The following FIGN variants were observed in gnomAD, a reference collection of about 807,000 sequenced individuals.
FIGN encodes fidgetin.
FIGN carries 11 observed loss-of-function variants against 51.3 expected under a neutral mutation model. The ratio of observed to expected loss-of-function variants is 0.21; its 90% CI spans 0.13 to 0.35. FIGN has a LOEUF of 0.35. Among genes scored for constraint, FIGN ranks in the 10% least tolerant of loss-of-function variants. The probability of loss-of-function intolerance (pLI) is 1.00; values close to 1 mark genes in which losing one functional copy is unlikely to be tolerated. For missense variants in FIGN, 857 were observed against 943.6 expected, an observed-to-expected ratio of 0.91 and a Z score of 1.20; for synonymous variants, 407 against 363.2, an observed-to-expected ratio of 1.12 and a Z score of -1.37.
chr2:163,723,680 G>C (rs1371554833), intron 2 of FIGN, among the ~76,000 whole-genome samples: 2 of 152,152 alleles, frequency 1.3e-5, no homozygotes, highest in Non-Finnish European at 2.9e-5. Context: ...TTTGATAAAA[G>C]TCCACCTTTC....
intron 2 of FIGN, among the ~76,000 whole-genome samples, 164 bp from the exon 3 acceptor site, chr2:163,611,970 T>C (rs1481375845): frequency 6.6e-6 from 1 of 152,240 alleles, no homozygotes. Flanking sequence ...CTATAATAAG[T>C]ACTCTTTAAA....
chr2:163,718,056 A>AG (rs1166070621), intron 2 of FIGN, among the ~76,000 whole-genome samples: 1 of 150,676 alleles, frequency 6.6e-6, no homozygotes, highest in Admixed American at 6.6e-5. Flanking sequence ...TGGAAAGTAC[A>AG]GGGGGGAGGG....
rs1256780721 is a variant in FIGN at position 163,732,279 on chromosome 2, C to T, written c.25+2624G>A. Among the ~76,000 whole-genome samples, 89 of 152,052 alleles carry T rather than the reference C, an allele frequency of 5.9e-4. 1 individual carries two copies. The highest frequency in any genetic ancestry group is 5.6e-3 in the Admixed American group (86 of 15,272). The stretch of plus-strand genomic sequence containing the variant: ...ACCATAAACATGCACAATTAATAAA[C>T]AATAGAGACGATGTGTACAAGCATG... On this transcript the variant is annotated intron_variant, in intron 2 of 2. Coordinates refer to ENST00000333129, the MANE Select transcript of FIGN (RefSeq NM_018086.4).
intron 2 of FIGN, among the ~76,000 whole-genome samples, chr2:163,613,358 A>G (rs2105300961): frequency 6.6e-6 from 1 of 152,260 alleles, no homozygotes. Flanking sequence ...CCTGGTCTAC[A>G]TGAAGCATCT....
intron 2 of FIGN, among the ~76,000 whole-genome samples, chr2:163,718,613 AT>A (rs1400435503): frequency 6.6e-6 from 1 of 152,192 alleles, no homozygotes; most frequent in Non-Finnish European, 1.5e-5. Flanking sequence ...GATCATTTTT[AT>A]TGGAAGTCTC....
chr2:163,685,881 T>C (rs2105341992), intron 2 of FIGN, among the ~76,000 whole-genome samples: 1 of 152,308 alleles, frequency 6.6e-6, no homozygotes, highest in Non-Finnish European at 1.5e-5. Flanking sequence ...TAAAGACATG[T>C]GGCATAAACT....
intron 2 of FIGN, among the ~76,000 whole-genome samples, chr2:163,622,723 A>G (rs1396195498): frequency 1.3e-5 from 2 of 151,950 alleles, no homozygotes; most frequent in Non-Finnish European, 2.9e-5. Context: ...TACCATGCCC[A>G]GCTAATTATT....
chr2:163,678,059 A>G (rs1684002383), intron 2 of FIGN, among the ~76,000 whole-genome samples: 1 of 152,232 alleles, frequency 6.6e-6, no homozygotes, highest in African/African-American at 2.4e-5. Context: ...CATTACTTCA[A>G]TATGGTGCAT....
intron 2 of FIGN, among the ~76,000 whole-genome samples, chr2:163,670,526 G>A (rs1683859882): frequency 6.6e-6 from 1 of 152,138 alleles, no homozygotes; most frequent in Non-Finnish European, 1.5e-5. Context: ...TATTCTACAT[G>A]TCATCTTTTC....
At chr2:163,698,149 C>T (rs138538633) in intron 2 of FIGN, among the ~76,000 whole-genome samples, 36 of 152,232 alleles carry the variant, frequency 2.4e-4, no homozygotes, top group African/African-American at 7.5e-4. Context: ...GGCTCATTTT[C>T]AAGTTCTATA....
At chr2:163,694,148 A>T (rs926348515) in intron 2 of FIGN, among the ~76,000 whole-genome samples, 2 of 152,162 alleles carry the variant, frequency 1.3e-5, no homozygotes, top group African/African-American at 2.4e-5. Flanking sequence ...TAGTGGAAGG[A>T]ACTACGTCAT....
rs79164160 is a variant in FIGN at position 163,602,912 on chromosome 2, G to T, written c.*6640C>A. On this transcript the variant is annotated 3_prime_UTR_variant, in exon 3 of 3. Transcript: ENST00000333129. Reference sequence around the variant, plus strand: ...TTACAGTGCCAACACCCAAGAAAATGAGATGCAATGGATTACAATTGAAAC... The same window carrying T: ...TTACAGTGCCAACACCCAAGAAAATTAGATGCAATGGATTACAATTGAAAC... 22,465 of 151,748 alleles carry T rather than the reference G, an allele frequency of 0.15. 2,204 individuals are homozygous for T. Among genetic ancestry groups the T allele is most frequent in the East Asian group, 0.52 (2,692 of 5,150 alleles). 9.4% of individuals were successfully genotyped at this position (151,748 alleles called of 1,614,324 possible).
chr2:163,614,985 G>A (rs1417978681), intron 2 of FIGN, among the ~76,000 whole-genome samples: 1 of 152,000 alleles, frequency 6.6e-6, no homozygotes, highest in Non-Finnish European at 1.5e-5. Context: ...ATTTCATAGG[G>A]TATTTTTGCA....
chr2:163,710,718 G>T (rs1460226041), intron 2 of FIGN, among the ~76,000 whole-genome samples: 1 of 151,930 alleles, frequency 6.6e-6, no homozygotes, highest in Non-Finnish European at 1.5e-5. Flanking sequence ...GACACAATAG[G>T]GATTTGGAGG....
chr2:163,639,342 T>G (rs1474341496), intron 2 of FIGN, among the ~76,000 whole-genome samples: 8 of 152,294 alleles, frequency 5.3e-5, no homozygotes, highest in African/African-American at 1.9e-4. Flanking sequence ...TGTTTAAATT[T>G]TTCAAGTAAG....
intron 2 of FIGN, among the ~76,000 whole-genome samples, chr2:163,725,113 C>T: frequency 6.6e-6 from 1 of 152,068 alleles, no homozygotes; most frequent in East Asian, 1.9e-4. Flanking sequence ...TTTACTCTTC[C>T]CTAATATAAA....
intron 2 of FIGN, among the ~76,000 whole-genome samples, chr2:163,714,799 C>A (rs1468146031): frequency 6.6e-6 from 1 of 152,218 alleles, no homozygotes; most frequent in Admixed American, 6.5e-5. Context: ...TCCCAGAAAT[C>A]ATGTCAGGCA....
chr2:163,688,576 G>C (rs551097402), intron 2 of FIGN, among the ~76,000 whole-genome samples: 2 of 152,286 alleles, frequency 1.3e-5, no homozygotes, highest in Admixed American at 1.3e-4. Flanking sequence ...TGGAAGATGA[G>C]ACCAGGTTAT....
chr2:163,658,363 A>AGCTC (rs1683595628), intron 2 of FIGN, among the ~76,000 whole-genome samples: 4 of 87,658 alleles, frequency 4.6e-5, no homozygotes, highest in South Asian at 4.4e-4. Context: ...CTTAAGAAAC[A>AGCTC]GCTCTCTCTC....
Sources: allele counts gnomAD v4.1 joint callset (sites outside exome capture counted in the v4.1 genomes callset), GRCh38; gene constraint gnomAD v4.1.1; transcripts MANE v1.5; gene names NCBI Gene and HGNC (gene_info 2026-07-23, HGNC 2026-07-21).